The following DLG2 variants were observed in gnomAD, a reference collection of about 807,000 sequenced individuals.
DLG2 encodes discs large MAGUK scaffold protein 2.
Under a neutral mutation model 132.5 loss-of-function variants are expected in DLG2, and 45 were observed. That is an observed-to-expected ratio of 0.34 (90% confidence interval 0.27 to 0.44). DLG2 has a LOEUF of 0.44. Ranked by LOEUF, DLG2 falls within the 20% of genes least tolerant of loss-of-function variation. The pLI is 1.00. For missense variants in DLG2, 1,045 were observed against 1,196.9 expected (o/e 0.87, Z 1.87); for synonymous variants, 424 against 419.6 (o/e 1.01, Z -0.13).
intron 10 of DLG2, among the ~76,000 whole-genome samples, chr11:84,062,260 C>T (rs562797669): frequency 1.3e-3 from 204 of 152,224 alleles, no homozygotes; most frequent in Middle Eastern, 3.4e-3. Flanking sequence ...AGTCTCAGTT[C>T]TTCATCATCT....
At chr11:83,926,401 T>G (rs902494267) in intron 15 of DLG2, among the ~76,000 whole-genome samples, 1 of 152,152 alleles carries the variant, frequency 6.6e-6, no homozygotes, top group African/African-American at 2.4e-5. Flanking sequence ...GTTTCTGGAA[T>G]AGACTTCAGG....
intron 6 of DLG2, among the ~76,000 whole-genome samples, chr11:84,985,512 T>C (rs894437884): frequency 1.3e-5 from 2 of 151,756 alleles, no homozygotes; most frequent in Admixed American, 6.6e-5. Context: ...CCTAAACGAC[T>C]ACATCAAAAA....
At chr11:85,339,027 T>C (rs2082313101) in intron 3 of DLG2, among the ~76,000 whole-genome samples, 1 of 152,224 alleles carries the variant, frequency 6.6e-6, no homozygotes, top group African/African-American at 2.4e-5. Flanking sequence ...TGATATATCC[T>C]ACCTGTATTT....
chr11:83,500,647 CATTT>C (rs921390819), intron 21 of DLG2, among the ~76,000 whole-genome samples: 4 of 143,804 alleles, frequency 2.8e-5, no homozygotes, highest in Admixed American at 6.8e-5. Context: ...GTTATTTGTT[CATTT>C]ATTTATTTAT....
chr11:83,625,588 C>T (rs1262271724), intron 19 of DLG2, among the ~76,000 whole-genome samples: 1 of 152,190 alleles, frequency 6.6e-6, no homozygotes, highest in Non-Finnish European at 1.5e-5. Flanking sequence ...CTTGAGACTG[C>T]TCTTGACATA....
At chr11:84,931,351 C>T (rs1315621218) in intron 6 of DLG2, among the ~76,000 whole-genome samples, 2 of 152,068 alleles carry the variant, frequency 1.3e-5, no homozygotes, top group African/African-American at 4.8e-5. Flanking sequence ...GTCTTTGTGT[C>T]ATTCCCCTCT....
chr11:83,470,625 T>A (rs2091909708), intron 24 of DLG2, among the ~76,000 whole-genome samples: 2 of 152,318 alleles, frequency 1.3e-5, no homozygotes, highest in African/African-American at 4.8e-5. Flanking sequence ...CTCCTTCCTG[T>A]CTGAAGACTT....
chr11:85,611,664 G>A (rs1178738687), intron 2 of DLG2, among the ~76,000 whole-genome samples: 1 of 152,192 alleles, frequency 6.6e-6, no homozygotes, highest in Non-Finnish European at 1.5e-5. Context: ...ACTGGGAAAG[G>A]GAAAAAGAAT....
intron 3 of DLG2, among the ~76,000 whole-genome samples, chr11:85,358,073 T>C (rs1054265588): frequency 6.6e-6 from 1 of 150,898 alleles, no homozygotes; most frequent in African/African-American, 2.4e-5. Context: ...AAAAGAAATA[T>C]GGAAAATCGC....
rs561785799 is a variant in DLG2 at position 85,591,647 on chromosome 11, G to A, written c.40+7010C>T. 9.2e-5 allele frequency among the ~76,000 whole-genome samples: 14 copies of A among 152,300 alleles called. 1 individual carries two copies. The highest frequency in any genetic ancestry group is 3.1e-4 in the African/African-American group (13 of 41,572). On this transcript the variant is annotated intron_variant, in intron 3 of 27. Transcript: ENST00000376104. ...AGTCCCAGTTACTCAGGAGGCTGAG[G>A]CAGAAGAATCCCTTGAATGGGAGGT...
intron 3 of DLG2, among the ~76,000 whole-genome samples, chr11:85,493,491 C>G (rs1030968356): frequency 3.3e-5 from 5 of 152,124 alleles, no homozygotes; most frequent in Non-Finnish European, 7.3e-5. Context: ...GTACCATGAA[C>G]TGCGTAATTT....
chr11:83,492,270 C>T lies in DLG2; in HGVS notation c.2194-8042G>A, dbSNP rs373036673. ...GTTCATCATATCTTTCTTCCTGAAA[C>T]GCTTGCTTCCTTGAACTCTGGTACA... On this transcript the variant is annotated intron_variant, in intron 21 of 27. Coordinates refer to ENST00000376104, the MANE Select transcript of DLG2 (RefSeq NM_001142699.3). 2.2e-4 allele frequency among the ~76,000 whole-genome samples: 34 copies of T among 152,198 alleles called. No homozygotes were observed. The East Asian group carries it at 3.7e-3, about 16-fold the overall frequency.
intron 17 of DLG2, among the ~76,000 whole-genome samples, chr11:83,794,625 G>A (rs1026285635): frequency 2.0e-5 from 3 of 151,944 alleles, no homozygotes; most frequent in Non-Finnish European, 4.4e-5. Flanking sequence ...AACATTAATT[G>A]AGCATCAGGT....
At chr11:83,546,042 A>G (rs1465671) in intron 19 of DLG2, among the ~76,000 whole-genome samples, 100,057 of 152,014 alleles carry the variant, frequency 0.66, 33,455 homozygotes, top group Middle Eastern at 0.75. Context: ...CATTAGACAA[A>G]TAGAATTGGA....
intron 6 of DLG2, among the ~76,000 whole-genome samples, chr11:85,097,375 G>C (rs1489899926): frequency 6.6e-6 from 1 of 152,084 alleles, no homozygotes; most frequent in Non-Finnish European, 1.5e-5. Flanking sequence ...AGTTCTCCAA[G>C]TCCCCACCCG....
chr11:84,774,251 G>T (rs1565925344), intron 6 of DLG2, among the ~76,000 whole-genome samples: 1 of 151,756 alleles, frequency 6.6e-6, no homozygotes, highest in Admixed American at 6.6e-5. Context: ...TTCTACAGAA[G>T]AACTACAAAA....
intron 15 of DLG2, among the ~76,000 whole-genome samples, chr11:83,912,797 T>C (rs796879127): frequency 4.0e-4 from 61 of 152,210 alleles, no homozygotes; most frequent in African/African-American, 1.4e-3. Context: ...TGGCCATGAA[T>C]CAGCTCAACT....
chr11:84,945,767 A>G (rs1431283019), intron 6 of DLG2, among the ~76,000 whole-genome samples: 2 of 152,096 alleles, frequency 1.3e-5, no homozygotes, highest in Non-Finnish European at 2.9e-5. Context: ...TTGCTGGTGT[A>G]TCACTAGGTA....
chr11:83,515,868 A>G (rs933677281), intron 21 of DLG2, among the ~76,000 whole-genome samples: 9 of 152,074 alleles, frequency 5.9e-5, no homozygotes, highest in African/African-American at 1.2e-4. Flanking sequence ...GTTCTAGTTT[A>G]ATTGCACTGT....
Sources: gnomAD v4.1 joint callset for allele counts (sites outside exome capture counted in the v4.1 genomes callset) on GRCh38, gnomAD v4.1.1 for gene constraint, MANE v1.5 for transcripts, NCBI Gene and HGNC (gene_info 2026-07-23, HGNC 2026-07-21) for gene names.